UNC5C: variants seen among roughly 807,000 people sequenced by gnomAD.
UNC5C encodes netrin receptor UNC5C.
In UNC5C, 47 loss-of-function variants were observed where a neutral mutation model predicts 99.8. The ratio of observed to expected loss-of-function variants is 0.47; its 90% confidence interval spans 0.37 to 0.60. The LOEUF is 0.60. Among genes scored for constraint, UNC5C ranks in the 20% least tolerant of loss-of-function variants. The probability of loss-of-function intolerance (pLI) is 0.00; values close to 1 mark genes in which losing one functional copy is unlikely to be tolerated. For missense variants in UNC5C, 1,062 were observed against 1,165.9 expected (o/e 0.91, Z 1.30); for synonymous variants, 487 against 452.2 (o/e 1.08, Z -0.98).
At chr4:95,488,137 C>T (rs1256829417) in intron 1 of UNC5C, among the ~76,000 whole-genome samples, 1 of 151,650 alleles carries the variant, frequency 6.6e-6, no homozygotes, top group East Asian at 1.9e-4. Context: ...TTTAAACAGT[C>T]TCTATCCTGG....
chr4:95,452,800 T>C (rs1747315360), intron 1 of UNC5C, among the ~76,000 whole-genome samples: 1 of 152,162 alleles, frequency 6.6e-6, no homozygotes, highest in South Asian at 2.1e-4. Flanking sequence ...CATTTGCTTT[T>C]TTCAGACATA....
chr4:95,219,433 T>C, intron 8 of UNC5C, 120 bp from the exon 9 acceptor site: 4 of 909,824 alleles, frequency 4.4e-6, no homozygotes, highest in South Asian at 1.6e-5. Flanking sequence ...ATATCGGAGA[T>C]AGATAGACAG....
chr4:95,527,101 A>C (rs972120267), intron 1 of UNC5C, among the ~76,000 whole-genome samples: 3 of 152,064 alleles, frequency 2.0e-5, no homozygotes, highest in Non-Finnish European at 4.4e-5. Context: ...CCATGCATTT[A>C]CCCTATTCAC....
chr4:95,485,569 G>A (rs1166944872), intron 1 of UNC5C, among the ~76,000 whole-genome samples: 1 of 151,658 alleles, frequency 6.6e-6, no homozygotes, highest in Admixed American at 6.6e-5. Context: ...CAAATTAGTC[G>A]AACACCTTAT....
At chr4:95,273,882 C>T (rs1351494966) in intron 4 of UNC5C, among the ~76,000 whole-genome samples, 1 of 152,060 alleles carries the variant, frequency 6.6e-6, no homozygotes, top group Non-Finnish European at 1.5e-5. Context: ...TCATCCCACA[C>T]CAAGATCTCT....
chr4:95,207,941 C>T (rs1019749169), intron 10 of UNC5C, among the ~76,000 whole-genome samples: 1 of 152,194 alleles, frequency 6.6e-6, no homozygotes, highest in African/African-American at 2.4e-5. Flanking sequence ...TACACTGTTT[C>T]ATATATTTGG....
At chr4:95,266,578 T>C (rs905483806) in intron 4 of UNC5C, among the ~76,000 whole-genome samples, 3 of 152,220 alleles carry the variant, frequency 2.0e-5, no homozygotes, top group African/African-American at 7.2e-5. Flanking sequence ...TTTTATAGTT[T>C]CGCTGTTACT....
intron 2 of UNC5C, among the ~76,000 whole-genome samples, chr4:95,303,306 C>G (rs899045344): frequency 2.0e-5 from 3 of 152,218 alleles, no homozygotes; most frequent in Non-Finnish European, 4.4e-5. Flanking sequence ...GTCCAGCAAT[C>G]TGTGTTTTGA....
rs539629738 is a variant in UNC5C, at chr4:95,325,869, T to C, written c.346+9541A>G. On this transcript the variant is annotated intron_variant, in intron 2 of 15. Transcript: ENST00000453304. ...GCAAATAAAACATGAAAAATGCACA[T>C]ACAGCTGACACTCTGAAGCAGCCCT... Among the ~76,000 whole-genome samples, 5 of 152,234 alleles carry C rather than the reference T, an allele frequency of 3.3e-5. No individual in the cohort carries two copies. The South Asian group carries it at 8.3e-4, about 25-fold the overall frequency.
chr4:95,223,174 C>A (rs144758327), intron 7 of UNC5C, among the ~76,000 whole-genome samples: 3 of 152,228 alleles, frequency 2.0e-5, no homozygotes, highest in East Asian at 3.9e-4. Flanking sequence ...GCAACACAAA[C>A]TTTTTGAAAT....
intron 2 of UNC5C, among the ~76,000 whole-genome samples, chr4:95,304,597 T>G (rs1012642517): frequency 6.6e-6 from 1 of 152,160 alleles, no homozygotes; most frequent in South Asian, 2.1e-4. Flanking sequence ...TACTCTCTGA[T>G]GTTTGATGGT....
intron 15 of UNC5C, 23 bp downstream of exon 15, chr4:95,170,131 T>A (rs1218926429): frequency 6.2e-7 from 1 of 1,605,546 alleles, no homozygotes; most frequent in Non-Finnish European, 8.5e-7. Context: ...AAGAAGCTAG[T>A]CTTGGGGCCA....
intron 1 of UNC5C, among the ~76,000 whole-genome samples, chr4:95,419,128 C>T (rs1746250182): frequency 6.6e-6 from 1 of 152,100 alleles, no homozygotes; most frequent in Non-Finnish European, 1.5e-5. Flanking sequence ...AGCTGAAACA[C>T]TGATATCAAA....
chr4:95,322,333 A>T (rs1272251126), intron 2 of UNC5C, among the ~76,000 whole-genome samples: 3 of 152,238 alleles, frequency 2.0e-5, no homozygotes, highest in African/African-American at 7.2e-5. Context: ...TTCATGAAAT[A>T]TTCCAAATAC....
intron 4 of UNC5C, among the ~76,000 whole-genome samples, chr4:95,268,287 G>T (rs17023390): frequency 0.022 from 3,322 of 152,234 alleles, 82 homozygotes; most frequent in South Asian, 0.07. Context: ...CTTTTTAAGG[G>T]TTTCAAATAC....
In UNC5C at chr4:95,535,405, G is replaced by C. The variant is rs147215025; in HGVS notation, c.124+13329C>G. ...CTAATTATTTTCATAGTAACGTCAA[G>C]TGAAAAATCATTGTATAGCATAGAC... On this transcript the variant is annotated intron_variant, in intron 1 of 15. Coordinates refer to ENST00000453304, the MANE Select transcript of UNC5C (RefSeq NM_003728.4). 5.7e-3 allele frequency among the ~76,000 whole-genome samples: 865 copies of C among 152,200 alleles called. 9 individuals are homozygous for C. The highest frequency in any genetic ancestry group is 0.02 in the African/African-American group (814 of 41,546).
intron 4 of UNC5C, among the ~76,000 whole-genome samples, chr4:95,258,743 A>ACTCTTTTTTTTTTTTTTTTTTTT (rs1184674099): frequency 1.2e-5 from 1 of 85,868 alleles, no homozygotes. Flanking sequence ...CGACCATCTT[A>ACTCTTTTTTTTTTTTTTTTTTTT]TTCTTTTTTT....
intron 12 of UNC5C, among the ~76,000 whole-genome samples, chr4:95,191,187 G>A (rs1291886751): frequency 2.0e-5 from 3 of 152,070 alleles, no homozygotes; most frequent in Admixed American, 6.5e-5. Flanking sequence ...TCCAGCCCCC[G>A]AGTTTCCCAC....
intron 1 of UNC5C, among the ~76,000 whole-genome samples, chr4:95,351,005 T>C (rs1237722479): frequency 6.6e-6 from 1 of 152,138 alleles, no homozygotes; most frequent in Non-Finnish European, 1.5e-5. Flanking sequence ...ATCTAGATTA[T>C]TGTTTGATTG....
Sources: allele counts gnomAD v4.1 joint callset (sites outside exome capture counted in the v4.1 genomes callset), GRCh38; gene constraint gnomAD v4.1.1; transcripts MANE v1.5; gene names NCBI Gene and HGNC (gene_info 2026-07-23, HGNC 2026-07-21).